Variants in RMP24 observed in about 807,000 individuals in gnomAD.
RMP24 encodes the protein ribonuclease MRP subunit p24, also known as ribonuclease MRP protein subunit p24.
chr18:35,979,092 A>G, the RMP24 span: 2 of 1,308,660 alleles, frequency 1.5e-6, no homozygotes, highest in African/African-American at 3.0e-5. Flanking sequence ...TGGAAACTAG[A>G]TCTGAATGCA....
chr18:35,977,918 C>G, the RMP24 span, among the ~76,000 whole-genome samples: 3 of 152,200 alleles, frequency 2.0e-5, no homozygotes, highest in Admixed American at 2.0e-4. Flanking sequence ...CCTGTCCATC[C>G]TCCTGAGTTC....
the RMP24 span, chr18:35,979,065 T>C: frequency 6.8e-6 from 10 of 1,470,908 alleles, no homozygotes; most frequent in South Asian, 2.8e-5. Context: ...TAAACTCTTA[T>C]TCATTTTTTG....
chr18:35,977,365 T>A, the RMP24 span: 2 of 1,548,272 alleles, frequency 1.3e-6, no homozygotes, highest in South Asian at 2.4e-5. Context: ...TGGGGTTAAA[T>A]TATAAGATAA....
At chr18:35,974,479 A>G in the RMP24 span, among the ~76,000 whole-genome samples, 6 of 152,252 alleles carry the variant, frequency 3.9e-5, no homozygotes, top group Admixed American at 3.9e-4. Context: ...ACAGTGCTCA[A>G]CAGTAGATAC....
At chr18:35,977,558 A>G in the RMP24 span, 1 of 1,614,078 alleles carries the variant, frequency 6.2e-7, no homozygotes, top group Non-Finnish European at 8.5e-7. Flanking sequence ...CCAAATCATG[A>G]CATGTCTGGC....
chr18:35,976,836 G>C, the RMP24 span, among the ~76,000 whole-genome samples: 14 of 152,036 alleles, frequency 9.2e-5, no homozygotes, highest in Non-Finnish European at 1.9e-4. Context: ...CACCAAACAT[G>C]GTTTTATATT....
chr18:35,978,471 C>T, the RMP24 span, among the ~76,000 whole-genome samples: 6 of 152,168 alleles, frequency 3.9e-5, no homozygotes, highest in Admixed American at 2.0e-4. Flanking sequence ...ATTAGCCAGG[C>T]GTAGCGGCGT....
chr18:35,977,637 T>A, the RMP24 span: 1 of 1,580,288 alleles, frequency 6.3e-7, no homozygotes, highest in African/African-American at 1.4e-5. Flanking sequence ...TTGCCAGTGT[T>A]AAGTGTTTTC....
At chr18:35,979,149 A>G in the RMP24 span, 397 of 790,086 alleles carry the variant, frequency 5.0e-4, no homozygotes, top group Admixed American at 1.2e-3. Context: ...ATACCTCATT[A>G]GTGTGAATAC....
At chr18:35,974,039 A>C in the RMP24 span, 1 of 152,286 alleles carries the variant, frequency 6.6e-6, no homozygotes, top group African/African-American at 2.4e-5. Context: ...TCCTTCACGC[A>C]ACTCCAGTCA....
the RMP24 span, chr18:35,977,293 C>G: frequency 1.2e-6 from 1 of 861,426 alleles, no homozygotes; most frequent in Non-Finnish European, 1.7e-6. Context: ...CTCTATTTTA[C>G]TTACCCCTAT....
At chr18:35,977,233 A>C in the RMP24 span, among the ~76,000 whole-genome samples, 3 of 152,086 alleles carry the variant, frequency 2.0e-5, no homozygotes, top group East Asian at 5.8e-4. Flanking sequence ...AAAAAAAAAA[A>C]ATGTCTTGTC....
chr18:35,978,082 T>C, the RMP24 span, among the ~76,000 whole-genome samples: 1 of 152,250 alleles, frequency 6.6e-6, no homozygotes, highest in Admixed American at 6.5e-5. Context: ...ATAGTGCTGC[T>C]ATATTCTGGT....
the RMP24 span, chr18:35,977,472 G>T: frequency 1.9e-6 from 3 of 1,614,098 alleles, no homozygotes; most frequent in Admixed American, 5.0e-5. Context: ...GAAGCTTTGT[G>T]TCAACATTGA....
chr18:35,978,985 G>A, the RMP24 span: 1 of 1,599,016 alleles, frequency 6.3e-7, no homozygotes, highest in Non-Finnish European at 8.5e-7. Flanking sequence ...TATCTTCTCT[G>A]AAGGGTGGAC....
At chr18:35,973,689 G>C in the RMP24 span, 2 of 152,252 alleles carry the variant, frequency 1.3e-5, no homozygotes, top group African/African-American at 4.8e-5. Context: ...GAGATGCAGA[G>C]GCGGGCGGAT....
chr18:35,974,426 G>A, the RMP24 span, among the ~76,000 whole-genome samples: 3 of 152,100 alleles, frequency 2.0e-5, no homozygotes, highest in African/African-American at 7.2e-5. Context: ...GTTTAAGTGT[G>A]GTCTTTAGCT....
the RMP24 span, among the ~76,000 whole-genome samples, chr18:35,974,626 A>T: frequency 6.6e-6 from 1 of 152,220 alleles, no homozygotes; most frequent in African/African-American, 2.4e-5. Flanking sequence ...AAGTGGCTAG[A>T]TTTAGGATAT....
At chr18:35,973,846 C>G in the RMP24 span, 1 of 152,142 alleles carries the variant, frequency 6.6e-6, no homozygotes, top group African/African-American at 2.4e-5. Flanking sequence ...CTCTTGAACC[C>G]GGGAGGTGGA....
Sources: allele counts gnomAD v4.1 joint callset (sites outside exome capture counted in the v4.1 genomes callset), GRCh38; gene constraint gnomAD v4.1.1; transcripts MANE v1.5; gene names NCBI Gene and HGNC (gene_info 2026-07-23, HGNC 2026-07-21).